Variants in SHROOM2 observed in about 807,000 individuals in gnomAD.
SHROOM2 encodes the protein shroom family member 2.
Under a neutral mutation model 75.9 loss-of-function variants are expected in SHROOM2, and 33 were observed. The observed-to-expected ratio is 0.43, with a 90% CI of 0.33 to 0.58. The LOEUF (loss-of-function observed/expected upper bound fraction) is 0.58, where lower values mean the gene tolerates loss of function less well. SHROOM2 is among the 20% of genes least tolerant of loss of function. The pLI is 0.04. For missense variants in SHROOM2, 1,434 were observed against 1,461.2 expected, an observed-to-expected ratio of 0.98 and a Z score of 0.30; for synonymous variants, 655 against 663.6, an observed-to-expected ratio of 0.99 and a Z score of 0.20.
rs149459016 is a variant in SHROOM2, at chrX:9,895,457, C to T, written c.1549C>T (p.Arg517Cys). 352 of 1,208,115 alleles carry T rather than the reference C, an allele frequency of 2.9e-4. 1 individual carries two copies. The African/African-American group carries it at 4.7e-3, about 16-fold the overall frequency. Residue 517 changes from arginine (R) to cysteine (C), a missense_variant, in exon 4 of 10, where the codon CGC (arginine) becomes TGC (cysteine). Arg to Cys is a radical substitution (Grantham distance 180). Around this residue, in one of 3 missense-constraint regions of SHROOM2, gnomAD observed 1,340 missense variants for 1,338.3 expected, o/e 1.00. Transcript: ENST00000380913. The stretch of plus-strand genomic sequence containing the variant: ...CCCACCCACGGTGGGCCAGAGCCCA[C>T]GCCATCACCTACCTCAGCCTGAGGG... ...LPPPTVGQSP[R>C]HHLPQPEGPP... is the part of the protein sequence containing the mutation.
At position 9,856,324 on chromosome X, in the gene SHROOM2, C is replaced by T. The variant is rs748557379; in HGVS notation, c.166-17328C>T. ...ACTACCTCCGTGTAGCCCCATTTTT[C>T]GGGCAGATGCAATTTGTGTCTTAAA... On this transcript the variant is annotated intron_variant, in intron 1 of 9. Coordinates refer to ENST00000380913, the MANE Select transcript of SHROOM2 (RefSeq NM_001649.4). 9.0e-5 allele frequency among the ~76,000 whole-genome samples: 10 copies of T among 111,249 alleles called. No individual in the cohort carries two copies. The South Asian group carries it at 1.1e-3, about 13-fold the overall frequency.
intron 5 of SHROOM2, among the ~76,000 whole-genome samples, chrX:9,914,141 G>C (rs896883716): frequency 4.3e-5 from 4 of 91,980 alleles, no homozygotes; most frequent in Non-Finnish European, 8.3e-5. Context: ...AAAATTGCAG[G>C]GGAATTCTCA....
Position 9,939,239 on chromosome X carries a change from A to G in SHROOM2, c.4184A>G (p.Asn1395Ser), listed in dbSNP as rs377359384. 66 of 1,208,550 alleles carry G rather than the reference A, an allele frequency of 5.5e-5. No homozygotes were observed. The highest frequency in any genetic ancestry group is 6.0e-5 in the Non-Finnish European group (54 of 894,490). ...CCTGCGGCCGTGTCCCTGGCCACCAATTCTACCTACTACAGCACGTCGGCC... is the reference window on the plus strand; with the variant it reads ...CCTGCGGCCGTGTCCCTGGCCACCAGTTCTACCTACTACAGCACGTCGGCC... ...SVPAAVSLATNSTYYSTSAPK... is the reference protein window; with the variant it reads ...SVPAAVSLATSSTYYSTSAPK... Residue 1395 changes from asparagine (N) to serine (S), a missense_variant, in exon 8 of 10, where the codon AAT becomes AGT. Coordinates refer to ENST00000380913, the MANE Select transcript of SHROOM2 (RefSeq NM_001649.4).
At chrX:9,936,129 G>C (rs758844137) in intron 6 of SHROOM2, among the ~76,000 whole-genome samples, 4 of 107,715 alleles carry the variant, frequency 3.7e-5, no homozygotes, top group Non-Finnish European at 3.8e-5. Context: ...ATGGAGTCTT[G>C]CTCTGTTGCC....
intron 2 of SHROOM2, among the ~76,000 whole-genome samples, chrX:9,877,874 G>A (rs889812174): frequency 1.8e-5 from 2 of 111,095 alleles, no homozygotes; most frequent in Admixed American, 9.6e-5. Context: ...GGGAAGGACC[G>A]AGAAGGGGAC....
chrX:9,863,136 A>G (rs911646372), intron 1 of SHROOM2, among the ~76,000 whole-genome samples: 48 of 110,989 alleles, frequency 4.3e-4, no homozygotes, highest in African/African-American at 1.4e-3. Flanking sequence ...GTTGGCCTGC[A>G]TTCTGACGCT....
At chrX:9,847,696 G>A (rs904972112) in intron 1 of SHROOM2, among the ~76,000 whole-genome samples, 5 of 111,829 alleles carry the variant, frequency 4.5e-5, no homozygotes, top group Admixed American at 9.5e-5. Flanking sequence ...CTTATTTTAC[G>A]TATTGCTGTT....
intron 5 of SHROOM2, among the ~76,000 whole-genome samples, chrX:9,928,701 A>G (rs1366028786): frequency 9.1e-6 from 1 of 110,436 alleles, no homozygotes; most frequent in South Asian, 3.8e-4. Flanking sequence ...CACACATACA[A>G]CACACATGGA....
intron 9 of SHROOM2, among the ~76,000 whole-genome samples, chrX:9,945,620 C>T (rs143968803): frequency 9.2e-4 from 103 of 111,583 alleles, no homozygotes; most frequent in African/African-American, 2.9e-3. Flanking sequence ...TGTATAAGTC[C>T]GTAACAGACA....
intron 1 of SHROOM2, among the ~76,000 whole-genome samples, chrX:9,842,534 A>G (rs1381180744): frequency 8.9e-6 from 1 of 112,419 alleles, no homozygotes; most frequent in East Asian, 2.8e-4. Flanking sequence ...AATCATAAGC[A>G]TGGTGGGCTC....
intron 1 of SHROOM2, among the ~76,000 whole-genome samples, chrX:9,832,834 A>G (rs1232946190): frequency 9.0e-6 from 1 of 111,717 alleles, no homozygotes; most frequent in Non-Finnish European, 1.9e-5. Flanking sequence ...GCCAAGGTCA[A>G]AACCTCAGAT....
intron 6 of SHROOM2, among the ~76,000 whole-genome samples, chrX:9,936,753 G>A (rs2084712157): frequency 8.9e-6 from 1 of 112,239 alleles, no homozygotes; most frequent in African/African-American, 3.2e-5. Context: ...TCCACTGCAG[G>A]CTTCCCCTAC....
chrX:9,789,095 G>A (rs973703872), intron 1 of SHROOM2, among the ~76,000 whole-genome samples: 1 of 111,507 alleles, frequency 9.0e-6, no homozygotes. Flanking sequence ...CCACGCGTTG[G>A]CCCTGAGAAT....
At chrX:9,934,573 T>C (rs1343367456) in intron 6 of SHROOM2, among the ~76,000 whole-genome samples, 1 of 110,903 alleles carries the variant, frequency 9.0e-6, no homozygotes, top group Non-Finnish European at 1.9e-5. Context: ...ACAGGAGAAA[T>C]GTGTGAGTTG....
rs746019780 is a variant in SHROOM2, at chrX:9,895,028, C to T, written c.1120C>T (p.His374Tyr). The change falls in exon 4 of 10, where the codon CAC (histidine) becomes TAC (tyrosine). Residue 374 changes from histidine to tyrosine, a missense_variant. By Grantham distance (83) the His-to-Tyr change is moderately conservative. Transcript: ENST00000380913. ...CACCGATCGGCCTTGGAGGTCAGCA[C>T]ACCCGGGGAGCCTCGGGAAGGGATC... Reference protein sequence around the residue: ...ELTDRPWRSAHPGSLGKGSGG... With the variant: ...ELTDRPWRSAYPGSLGKGSGG... 5 of 1,208,554 alleles carry T rather than the reference C, an allele frequency of 4.1e-6. No individual in the cohort carries two copies. The highest frequency in any genetic ancestry group is 5.6e-6 in the Non-Finnish European group (5 of 894,082).
intron 1 of SHROOM2, among the ~76,000 whole-genome samples, chrX:9,858,708 G>A (rs2146783558): frequency 8.9e-6 from 1 of 111,969 alleles, no homozygotes; most frequent in Admixed American, 9.4e-5. Context: ...GGGAGGCTGA[G>A]GCAGAAAAAT....
intron 1 of SHROOM2, among the ~76,000 whole-genome samples, chrX:9,829,840 C>T (rs1342060086): frequency 1.8e-5 from 2 of 112,183 alleles, no homozygotes; most frequent in African/African-American, 6.5e-5. Flanking sequence ...GCTTATTTAT[C>T]ATGCATGCTT....
intron 2 of SHROOM2, among the ~76,000 whole-genome samples, chrX:9,880,790 A>G (rs894662575): frequency 1.2e-4 from 13 of 111,870 alleles, no homozygotes; most frequent in African/African-American, 3.9e-4. Flanking sequence ...AAAATGCTCC[A>G]TAATGAAAAC....
In SHROOM2 at chrX:9,897,321, T is replaced by C. The variant is rs777623647; in HGVS notation, c.2790+623T>C. Among the ~76,000 whole-genome samples, 27 of 111,425 alleles carry C rather than the reference T, an allele frequency of 2.4e-4. No individual in the cohort carries two copies. The East Asian group carries it at 6.2e-3, about 26-fold the overall frequency. ...CCCTGCTTCAAAGTGAACAGTCTCTTTCTCTCTTGCACCTACCCCCTTTGA... is the reference window on the plus strand; with the variant it reads ...CCCTGCTTCAAAGTGAACAGTCTCTCTCTCTCTTGCACCTACCCCCTTTGA... On this transcript the variant is annotated intron_variant, in intron 4 of 9. Coordinates refer to ENST00000380913, the MANE Select transcript of SHROOM2 (RefSeq NM_001649.4).
Sources: gnomAD v4.1 joint callset for allele counts (sites outside exome capture counted in the v4.1 genomes callset) on GRCh38, gnomAD v4.1.1 for gene constraint, gnomAD v4.1.1 regional missense constraint, MANE v1.5 for transcripts, NCBI Gene and HGNC (gene_info 2026-07-23, HGNC 2026-07-21) for gene names.